Variants in KCND3 observed in about 807,000 individuals in gnomAD.
KCND3 encodes A-type voltage-gated potassium channel KCND3.
A neutral mutation model predicts 51.1 loss-of-function variants in KCND3; 9 were observed. The ratio of observed to expected loss-of-function variants is 0.18; its 90% CI spans 0.11 to 0.31. KCND3 has a LOEUF of 0.31. Ranked by LOEUF, KCND3 falls within the 10% of genes least tolerant of loss-of-function variation. The pLI, the probability that KCND3 is intolerant of heterozygous loss-of-function variation, is 1.00. For synonymous variants in KCND3, 349 were observed against 368.0 expected, an observed-to-expected ratio of 0.95 and a Z score of 0.59; for missense variants, 526 against 903.8, an observed-to-expected ratio of 0.58 and a Z score of 5.36.
chr1:111,875,251 T>C (rs1669000654), intron 2 of KCND3, among the ~76,000 whole-genome samples: 1 of 152,174 alleles, frequency 6.6e-6, no homozygotes, highest in Non-Finnish European at 1.5e-5. Flanking sequence ...ATAAATCAAA[T>C]GTTTTTGTTT....
intron 2 of KCND3, among the ~76,000 whole-genome samples, chr1:111,944,091 G>C (rs753366614): frequency 3.3e-5 from 5 of 152,182 alleles, no homozygotes; most frequent in Non-Finnish European, 7.3e-5. Context: ...AAATATAAAA[G>C]AGGAGGGGAA....
intron 2 of KCND3, among the ~76,000 whole-genome samples, chr1:111,928,607 C>A (rs540983631): frequency 2.0e-5 from 3 of 152,298 alleles, no homozygotes; most frequent in South Asian, 4.1e-4. Flanking sequence ...ACTCTCTGGG[C>A]ACAACACACA....
At chr1:111,804,024 C>T (rs372013886) in intron 2 of KCND3, among the ~76,000 whole-genome samples, 4 of 152,274 alleles carry the variant, frequency 2.6e-5, no homozygotes, top group African/African-American at 9.6e-5. Context: ...TTTATAATAG[C>T]GCTTATAGAA....
At chr1:111,955,664 T>A (rs1198336319) in intron 2 of KCND3, among the ~76,000 whole-genome samples, 1 of 152,240 alleles carries the variant, frequency 6.6e-6, no homozygotes, top group Admixed American at 6.5e-5. Context: ...ATGTCTGGTA[T>A]AAGGCCTGAC....
At chr1:111,855,782 G>A (rs908053911) in intron 2 of KCND3, among the ~76,000 whole-genome samples, 1 of 152,174 alleles carries the variant, frequency 6.6e-6, no homozygotes, top group Non-Finnish European at 1.5e-5. Flanking sequence ...CAGAGATGTG[G>A]GCAGGGTCTA....
chr1:111,899,612 T>C (rs1670286868), intron 2 of KCND3, among the ~76,000 whole-genome samples: 1 of 152,224 alleles, frequency 6.6e-6, no homozygotes, highest in Admixed American at 6.5e-5. Context: ...ATTTCATTAG[T>C]TGTACTCTAG....
At chr1:111,848,920 T>C (rs1571735602) in intron 2 of KCND3, among the ~76,000 whole-genome samples, 1 of 152,110 alleles carries the variant, frequency 6.6e-6, no homozygotes, top group South Asian at 2.1e-4. Context: ...TCCTTGCTCT[T>C]CCCTTTTCCC....
At chr1:111,949,943 C>A (rs1455076054) in intron 2 of KCND3, among the ~76,000 whole-genome samples, 4 of 152,224 alleles carry the variant, frequency 2.6e-5, no homozygotes, top group African/African-American at 9.6e-5. Context: ...CAGAGCCTCA[C>A]TCTGTTGCTC....
intron 2 of KCND3, among the ~76,000 whole-genome samples, chr1:111,891,859 G>A (rs192132672): frequency 6.6e-6 from 1 of 152,220 alleles, no homozygotes; most frequent in East Asian, 1.9e-4. Context: ...CATACTTTCT[G>A]ACCATCTACT....
At chr1:111,815,304 T>C (rs1298473890) in intron 2 of KCND3, among the ~76,000 whole-genome samples, 1 of 152,018 alleles carries the variant, frequency 6.6e-6, no homozygotes, top group Non-Finnish European at 1.5e-5. Context: ...TCTCTCCTTC[T>C]TTCCTCTTCT....
At chr1:111,901,436 C>G (rs1283392601) in intron 2 of KCND3, among the ~76,000 whole-genome samples, 1 of 152,216 alleles carries the variant, frequency 6.6e-6, no homozygotes, top group Non-Finnish European at 1.5e-5. Flanking sequence ...AGAGACTCAG[C>G]CTGCATTCTA....
intron 2 of KCND3, among the ~76,000 whole-genome samples, chr1:111,914,878 A>T (rs1459772000): frequency 6.6e-6 from 1 of 152,166 alleles, no homozygotes; most frequent in Non-Finnish European, 1.5e-5. Context: ...TAAATTTTGT[A>T]CTCATTTTTG....
At position 111,776,280 on chromosome 1, in the gene KCND3, T is replaced by G; in HGVS notation, c.1767-2A>C. ...GCTTTCAAATTAAGGCTGGAGCGAC[T>G]GGGATAGAAAAGAGTGAGTTGATGA... On this transcript the variant is annotated splice_acceptor_variant, in intron 7 of 7. Transcript: ENST00000302127. LOFTEE classifies it high-confidence loss of function. 6.2e-7 allele frequency: 1 copy of G among 1,613,498 alleles called. No homozygotes were observed. The highest frequency in any genetic ancestry group is 1.3e-5 in the African/African-American group (1 of 75,036).
intron 2 of KCND3, among the ~76,000 whole-genome samples, chr1:111,787,671 A>T (rs1270905304): frequency 1.3e-5 from 2 of 152,324 alleles, no homozygotes; most frequent in Admixed American, 1.3e-4. Flanking sequence ...ATATGGGTTT[A>T]TCCCATTCAG....
intron 2 of KCND3, among the ~76,000 whole-genome samples, chr1:111,881,537 T>C (rs1490161677): frequency 3.9e-5 from 6 of 152,218 alleles, no homozygotes; most frequent in Admixed American, 3.9e-4. Context: ...TTCTGGCTAC[T>C]GCGTGTGGAA....
At chr1:111,793,456 C>T (rs1052045616) in intron 2 of KCND3, among the ~76,000 whole-genome samples, 1 of 149,224 alleles carries the variant, frequency 6.7e-6, no homozygotes, top group East Asian at 1.9e-4. Flanking sequence ...GGATTACAGG[C>T]GTGAGCCACC....
chr1:111,792,402 G>A lies in KCND3; in HGVS notation c.1107-5296C>T, dbSNP rs556630505. ...ATGTTTTCATGCCTCTGCTCTTTCCGTCATATCCTGCTCCTCCCAGGGTCA... is the reference window on the plus strand; with the variant it reads ...ATGTTTTCATGCCTCTGCTCTTTCCATCATATCCTGCTCCTCCCAGGGTCA... On this transcript the variant is annotated intron_variant, in intron 2 of 7. Coordinates refer to ENST00000302127, the MANE Select transcript of KCND3 (RefSeq NM_001378969.1). Among the ~76,000 whole-genome samples the A allele has an allele frequency of 1.2e-3, 189 of 152,328 alleles. 1 individual carries two copies. Among genetic ancestry groups the A allele is most frequent in the African/African-American group, 3.6e-3 (151 of 41,570 alleles).
intron 2 of KCND3, among the ~76,000 whole-genome samples, chr1:111,813,319 T>C (rs1402743257): frequency 6.6e-6 from 1 of 152,198 alleles, no homozygotes; most frequent in Non-Finnish European, 1.5e-5. Flanking sequence ...CCAATTTAAT[T>C]TCCCTTTAGA....
rs56387776 is a variant in KCND3 at position 111,863,332 on chromosome 1, TAA to T, written c.1107-76228_1107-76227del. ...ACTAACCTATTTGTCTAGGAAACAG[TAA>T]AAAAAAAAAAACAGCTTATGTTCTC... On this transcript the variant is annotated intron_variant, in intron 2 of 7. Transcript: ENST00000302127. Among the ~76,000 whole-genome samples, 458 of 147,784 alleles carry T rather than the reference TAA, an allele frequency of 3.1e-3. 5 individuals are homozygous for T. Among genetic ancestry groups the T allele is most frequent in the Admixed American group, 6.9e-3 (102 of 14,880 alleles).
Sources: allele counts gnomAD v4.1 joint callset (sites outside exome capture counted in the v4.1 genomes callset), GRCh38; gene constraint gnomAD v4.1.1; transcripts MANE v1.5; gene names NCBI Gene and HGNC (gene_info 2026-07-23, HGNC 2026-07-21).